Variants in GNAI1 observed in about 807,000 individuals in gnomAD.
The protein encoded by GNAI1 is guanine nucleotide-binding protein G(i) subunit alpha-1.
GNAI1 carries 11 observed loss-of-function variants against 38.9 expected under a neutral mutation model. That is an observed-to-expected ratio of 0.28 (90% confidence interval 0.18 to 0.47). The LOEUF (loss-of-function observed/expected upper bound fraction) is 0.47, where lower values mean the gene tolerates loss of function less well. GNAI1 is among the 20% of genes least tolerant of loss of function. GNAI1 has a pLI of 0.99. For synonymous variants in GNAI1, 166 were observed against 145.1 expected (o/e 1.14, Z -1.04); for missense variants, 317 against 436.9 (o/e 0.73, Z 2.45).
At chr7:80,191,444 T>G (rs1359178768) in intron 3 of GNAI1, among the ~76,000 whole-genome samples, 1 of 152,136 alleles carries the variant, frequency 6.6e-6, no homozygotes, top group Non-Finnish European at 1.5e-5. Flanking sequence ...CAGGCTGGAG[T>G]ACAGTGGTGC....
chr7:80,201,155 T>C (rs1788680220), intron 4 of GNAI1, among the ~76,000 whole-genome samples: 1 of 152,040 alleles, frequency 6.6e-6, no homozygotes, highest in Admixed American at 6.6e-5. Context: ...GAAGACAAAT[T>C]AGAAAAAATA....
chr7:80,164,587 C>T (rs914818041), intron 1 of GNAI1, among the ~76,000 whole-genome samples: 2 of 152,106 alleles, frequency 1.3e-5, no homozygotes, highest in Admixed American at 6.5e-5. Context: ...TGGTCTTGAT[C>T]TCCTGACCTC....
chr7:80,188,855 GGT>G (rs148159852), intron 1 of GNAI1, 94 bp from the exon 2 acceptor site: 40,997 of 558,114 alleles, frequency 0.073, no homozygotes, highest in South Asian at 0.095. Context: ...AGAGAGACTG[GGT>G]GTGTGTGTGT....
chr7:80,211,173 G>A, intron 6 of GNAI1, 75 bp downstream of exon 6: 3 of 1,300,046 alleles, frequency 2.3e-6, no homozygotes, highest in Non-Finnish European at 3.3e-6. Context: ...TCTTTCTAAT[G>A]TCTATAACAA....
Position 80,221,559 on chromosome 7 carries a change from C to T in GNAI1, c.*4066C>T, listed in dbSNP as rs1435587267. Among the ~76,000 whole-genome samples, 1 of 149,732 alleles carries T rather than the reference C, an allele frequency of 6.7e-6. No homozygotes were observed. The highest frequency in any genetic ancestry group is 1.5e-5 in the Non-Finnish European group (1 of 67,754). ...ATGAGAAAATGCAATCTCTAATCAA[C>T]TTGAGGACACTTCTGTCGTTTTAAT... On this transcript the variant is annotated 3_prime_UTR_variant, in exon 8 of 8. Coordinates refer to ENST00000649796, the MANE Select transcript of GNAI1 (RefSeq NM_002069.6).
chr7:80,185,849 A>G (rs537158219), intron 1 of GNAI1, among the ~76,000 whole-genome samples: 3 of 152,154 alleles, frequency 2.0e-5, no homozygotes, highest in South Asian at 4.1e-4. Context: ...GGCATTTGTA[A>G]TTTTCCTCTT....
intron 1 of GNAI1, chr7:80,135,809 GTTAAC>G: frequency 1.0e-6 from 1 of 985,480 alleles, no homozygotes; most frequent in South Asian, 4.7e-5. Flanking sequence ...CGTCTTTCCT[GTTAAC>G]TTCCTATGGC....
rs1253476050 is a variant in GNAI1 at position 80,218,514 on chromosome 7, C to G, written c.*1021C>G. Reference sequence around the variant, plus strand: ...GAGGCTTTTATTTCCCTTGAGGAGTCTCTTGTACCTAGCATACATGATAGC... The same window carrying G: ...GAGGCTTTTATTTCCCTTGAGGAGTGTCTTGTACCTAGCATACATGATAGC... On this transcript the variant is annotated 3_prime_UTR_variant, in exon 8 of 8. Transcript: ENST00000649796. 1 of 151,744 alleles carries G rather than the reference C, an allele frequency of 6.6e-6. No homozygotes were observed. The highest frequency in any genetic ancestry group is 1.5e-5 in the Non-Finnish European group (1 of 67,952). 9.4% of individuals were successfully genotyped at this position (151,744 alleles called of 1,614,324 possible). A position where few individuals can be genotyped will look rare whatever the true frequency, so the allele number is the denominator to read the frequency against.
chr7:80,142,562 C>T (rs1240978237), intron 1 of GNAI1, among the ~76,000 whole-genome samples: 1 of 152,132 alleles, frequency 6.6e-6, no homozygotes, highest in East Asian at 1.9e-4. Context: ...GAGCATGAAT[C>T]TTGTCAGACT....
In GNAI1 at chr7:80,189,218, A is replaced by C. The variant is rs367989878; in HGVS notation, c.290A>C (p.Asp97Ala). The change falls in exon 3 of 8, where the codon GAC becomes GCC. Residue 97 changes from aspartate to alanine, a missense_variant. By Grantham distance (126) the Asp-to-Ala change is moderately radical. This residue lies in a region of GNAI1 where 67 missense variants were observed against 61.5 expected (regional missense o/e 1.09). Coordinates refer to ENST00000649796, the MANE Select transcript of GNAI1 (RefSeq NM_002069.6). ...AMGRLKIDFG[D>A]SARADDARQL... ...GGGAGGTTGAAGATAGACTTTGGTG[A>C]CTCAGCCCGGGCGGTAAGTTATTAA... 64 of 1,609,952 alleles carry C rather than the reference A, an allele frequency of 4.0e-5. No individual in the cohort carries two copies. The highest frequency in any genetic ancestry group is 5.3e-5 in the Non-Finnish European group (63 of 1,178,972).
At chr7:80,208,909 T>G (rs1788825440) in intron 5 of GNAI1, among the ~76,000 whole-genome samples, 1 of 152,202 alleles carries the variant, frequency 6.6e-6, no homozygotes, top group African/African-American at 2.4e-5. Context: ...CTGTAGTGTA[T>G]AATAACATGT....
intron 1 of GNAI1, chr7:80,187,154 A>G (rs1392673307): frequency 1.3e-5 from 2 of 151,518 alleles, no homozygotes; most frequent in Admixed American, 1.3e-4. Context: ...GCATTTAACT[A>G]TGACCTCTTT....
chr7:80,148,577 T>C (rs1380274756), intron 1 of GNAI1, among the ~76,000 whole-genome samples: 1 of 152,070 alleles, frequency 6.6e-6, no homozygotes, highest in Non-Finnish European at 1.5e-5. Flanking sequence ...CTGAATGATT[T>C]TGTTAGATAA....
chr7:80,173,581 A>G (rs899662193), intron 1 of GNAI1, among the ~76,000 whole-genome samples: 10 of 151,312 alleles, frequency 6.6e-5, no homozygotes, highest in Admixed American at 3.9e-4. Flanking sequence ...ATGCTCCCCA[A>G]TTGGTGTGGG....
At chr7:80,188,870 G>T in intron 1 of GNAI1, 81 bp from the exon 2 acceptor site, 1 of 809,856 alleles carries the variant, frequency 1.2e-6, no homozygotes, top group Non-Finnish European at 2.1e-6. Flanking sequence ...GTGTGTGTGT[G>T]TGTGTGTTTG....
At chr7:80,174,453 C>CTT (rs1191715160) in intron 1 of GNAI1, among the ~76,000 whole-genome samples, 1 of 140,650 alleles carries the variant, frequency 7.1e-6, no homozygotes, top group Non-Finnish European at 1.6e-5. Context: ...GTATCTTCTG[C>CTT]TGTTTTTTTT....
At chr7:80,217,264 A>C in intron 7 of GNAI1, 39 bp from the exon 8 acceptor site, 2 of 1,330,442 alleles carry the variant, frequency 1.5e-6, no homozygotes, top group East Asian at 2.4e-5. Context: ...AGTTATTTTA[A>C]CTTTTTGCAT....
At chr7:80,154,803 A>T (rs182937099) in intron 1 of GNAI1, among the ~76,000 whole-genome samples, 63 of 152,254 alleles carry the variant, frequency 4.1e-4, no homozygotes, top group Middle Eastern at 3.4e-3. Context: ...GGTTTTGATT[A>T]TTGTCAGTGG....
chr7:80,151,710 T>C (rs1787730158), intron 1 of GNAI1, among the ~76,000 whole-genome samples: 1 of 152,230 alleles, frequency 6.6e-6, no homozygotes, highest in South Asian at 2.1e-4. Context: ...TGCCTCTAAC[T>C]TTCAAACTGC....
Sources: allele counts gnomAD v4.1 joint callset (sites outside exome capture counted in the v4.1 genomes callset), GRCh38; gene constraint gnomAD v4.1.1; regional missense constraint gnomAD v4.1.1; transcripts MANE v1.5; gene names NCBI Gene and HGNC (gene_info 2026-07-23, HGNC 2026-07-21).